Variants in CCKBR observed in about 807,000 individuals in gnomAD.
CCKBR encodes the protein cholecystokinin B receptor, also known as gastrin/cholecystokinin type B receptor.
CCKBR carries 33 observed loss-of-function variants against 34.6 expected under a neutral mutation model. The ratio of observed to expected loss-of-function variants is 0.95; its 90% CI spans 0.72 to 1.27. The LOEUF (loss-of-function observed/expected upper bound fraction) is 1.27, where lower values mean the gene tolerates loss of function less well. CCKBR is among the 50% of genes most tolerant of loss of function. The pLI is 0.00. For synonymous variants in CCKBR, 269 were observed against 267.5 expected (o/e 1.01, Z -0.06); for missense variants, 652 against 617.4 (o/e 1.06, Z -0.59).
intron 1 of CCKBR, among the ~76,000 whole-genome samples, chr11:6,261,496 C>T (rs1339838921): frequency 1.4e-5 from 2 of 142,030 alleles, no homozygotes; most frequent in African/African-American, 5.2e-5. Context: ...CACACACACA[C>T]ACATATACAT....
At chr11:6,264,601 C>T (rs1848183322) in intron 1 of CCKBR, 4 of 697,220 alleles carry the variant, frequency 5.7e-6, no homozygotes, top group Non-Finnish European at 1.0e-5. Context: ...CACGGGTAGA[C>T]TTATCAAGGC....
chr11:6,261,621 A>G (rs927042414), intron 1 of CCKBR, among the ~76,000 whole-genome samples: 7 of 151,996 alleles, frequency 4.6e-5, no homozygotes, highest in Non-Finnish European at 8.8e-5. Context: ...CCACTGTGAC[A>G]TAGTTTTGAG....
At chr11:6,264,332 G>A (rs1590667086) in intron 1 of CCKBR, 1 of 567,362 alleles carries the variant, frequency 1.8e-6, no homozygotes, top group East Asian at 3.0e-5. Flanking sequence ...TGGGTGAACA[G>A]ATCAAACCTG....
rs764173521 is a variant in CCKBR, at chr11:6,261,462, T to TATACACACAC, written c.151+1384_151+1385insTACACACACA. Among the ~76,000 whole-genome samples, 16 of 63,988 alleles carry TATACACACAC rather than the reference T, an allele frequency of 2.5e-4. 2 individuals carry two copies. The highest frequency in any genetic ancestry group is 5.1e-4 in the Admixed American group (2 of 3,948). 42.0% of individuals were successfully genotyped at this position (63,988 alleles called of 152,430 possible). On this transcript the variant is annotated intron_variant, in intron 1 of 4. Coordinates refer to ENST00000334619, the MANE Select transcript of CCKBR (RefSeq NM_176875.4). ...AAAAAAAAAAAAAAAAAAATATATA[T>TATACACACAC]ACACACACACACACACACACACACA...
Position 6,271,380 on chromosome 11 carries a change from A to G in CCKBR, c.1181A>G (p.His394Arg). The change falls in exon 5 of 5, where the codon CAC (histidine) becomes CGC (arginine). Residue 394 changes from histidine to arginine, a missense_variant. Transcript: ENST00000334619. ...AACCCCCTGGTCTACTGCTTCATGC[A>G]CCGTCGCTTTCGCCAGGCCTGCCTG... ...CVNPLVYCFMHRRFRQACLET... is the reference protein window; with the variant it reads ...CVNPLVYCFMRRRFRQACLET... 1 of 1,613,940 alleles carries G rather than the reference A, an allele frequency of 6.2e-7. No individual in the cohort carries two copies. Among genetic ancestry groups the G allele is most frequent in the Non-Finnish European group, 8.5e-7 (1 of 1,179,988 alleles).
At chr11:6,266,308 T>C (rs1279199654) in intron 1 of CCKBR, among the ~76,000 whole-genome samples, 2 of 152,008 alleles carry the variant, frequency 1.3e-5, no homozygotes, top group African/African-American at 4.8e-5. Flanking sequence ...CTTACCAATA[T>C]GGAGAAACCC....
Position 6,270,101 on chromosome 11 carries a change from T to C in CCKBR, c.417T>C (p.Ser139=). Residue 139 remains serine, a synonymous_variant, in exon 3 of 5, where the codon AGT becomes AGC. Transcript: ENST00000334619. ...TCCCTTGTTTAGGGGTGTCTGTGAG[T>C]GTGTCCACGCTAAGCCTCGTGGCCA... ...AVSYLMGVSV[S]VSTLSLVAIA... The C allele has an allele frequency of 1.2e-6, 2 of 1,606,390 alleles. No homozygotes were observed. Among genetic ancestry groups the C allele is most frequent in the Non-Finnish European group, 1.7e-6 (2 of 1,174,344 alleles).
intron 3 of CCKBR, 80 bp from the exon 4 acceptor site, chr11:6,270,566 A>C: frequency 6.7e-7 from 1 of 1,490,906 alleles, no homozygotes; most frequent in Non-Finnish European, 9.1e-7. Context: ...ACAGCCCTAG[A>C]AACACTAGTC....
At chr11:6,263,244 G>A (rs1237229509) in intron 1 of CCKBR, among the ~76,000 whole-genome samples, 7 of 152,186 alleles carry the variant, frequency 4.6e-5, no homozygotes, top group South Asian at 4.2e-4. Flanking sequence ...AATATTGTCC[G>A]AAGTCATTTT....
Position 6,270,648 on chromosome 11 carries a change from C to G in CCKBR, c.656C>G (p.Ser219Cys). ...TGATCTGTCTGTGTTGCCTTCAGGT[C>G]CGTACTGCTGCTTCTGCTCTTGTTC... is the stretch of plus-strand genomic sequence containing the variant. ...WPSARVRQTW[S>C]VLLLLLLFFI... Residue 219 changes from serine to cysteine, a missense_variant and splice_region_variant, in exon 4 of 5, where the codon TCC becomes TGC. By Grantham distance (112) the Ser-to-Cys change is moderately radical. Transcript: ENST00000334619. 6.2e-7 allele frequency: 1 copy of G among 1,605,146 alleles called. No individual in the cohort carries two copies. Among genetic ancestry groups the G allele is most frequent in the Non-Finnish European group, 8.5e-7 (1 of 1,173,536 alleles).
chr11:6,271,251 G>C lies in CCKBR; in HGVS notation c.1052G>C (p.Ser351Thr). The change falls in exon 5 of 5, where the codon AGT (serine) becomes ACT (threonine). Residue 351 changes from serine to threonine, a missense_variant. Transcript: ENST00000334619. ...LFFLCWLPVY[S>T]ANTWRAFDGP... ...TTTCTGTGTTGGTTGCCAGTTTATA[G>C]TGCCAACACGTGGCGCGCCTTTGAT... 1.9e-6 allele frequency: 3 copies of C among 1,614,202 alleles called. No homozygotes were observed.
intron 1 of CCKBR, among the ~76,000 whole-genome samples, chr11:6,268,165 C>A (rs1030378910): frequency 1.3e-5 from 2 of 152,134 alleles, no homozygotes; most frequent in African/African-American, 2.4e-5. Flanking sequence ...TCTTATGAGA[C>A]CACCATCGTA....
At chr11:6,268,058 G>C (rs1206813483) in intron 1 of CCKBR, among the ~76,000 whole-genome samples, 2 of 152,196 alleles carry the variant, frequency 1.3e-5, no homozygotes, top group African/African-American at 4.8e-5. Flanking sequence ...TGCTCAGGCT[G>C]ATCTCAAGCT....
Position 6,270,328 on chromosome 11 carries a change from G to A in CCKBR, c.644G>A (p.Arg215His), listed in dbSNP as rs1805004. ...CVHRWPSARV[R>H]QTWSVLLLLL... Reference sequence around the variant, plus strand: ...CATCGCTGGCCCAGTGCGCGGGTCCGCCAGACCTGGTGAGCTTGCCCATAA... The same window carrying A: ...CATCGCTGGCCCAGTGCGCGGGTCCACCAGACCTGGTGAGCTTGCCCATAA... Residue 215 changes from arginine (R) to histidine (H), a missense_variant, in exon 3 of 5, where the codon CGC becomes CAC. Physicochemically the swap from Arg to His is conservative, Grantham distance 29 (BLOSUM62 0). Transcript: ENST00000334619. 354 of 1,611,182 alleles carry A rather than the reference G, an allele frequency of 2.2e-4. 2 individuals carry two copies. The East Asian group carries it at 7.7e-3, about 35-fold the overall frequency.
chr11:6,270,985 T>G, intron 4 of CCKBR, 26 bp from the exon 5 acceptor site: 1 of 1,613,396 alleles, frequency 6.2e-7, no homozygotes, highest in East Asian at 2.2e-5. Context: ...CGCCTTTTTC[T>G]CTGACCGCCC....
Position 6,260,177 on chromosome 11 carries a change from C to T in CCKBR, c.151+98C>T. On this transcript the variant is annotated intron_variant, in intron 1 of 4. Transcript: ENST00000334619. The stretch of plus-strand genomic sequence containing the variant: ...ACGAGCTCCACACTACCTTCTCAAA[C>T]GTCCACACCGTGCCTCTCATAGTAC... 4 of 818,784 alleles carry T rather than the reference C, an allele frequency of 4.9e-6. No individual in the cohort carries two copies. In the East Asian group the frequency reaches 9.8e-5, roughly 20 times the overall value. The allele number at this position is 818,784 out of a possible 1,614,324, so 50.7% of individuals were successfully genotyped here.
At position 6,271,537 on chromosome 11, in the gene CCKBR, T is replaced by G; in HGVS notation, c.1338T>G (p.Pro446=). ...ACACCACCATCAGCACACTGGGCCCTGGCTGAGGAGTAGAGGGGCCGTGGG... is the reference window on the plus strand; with the variant it reads ...ACACCACCATCAGCACACTGGGCCCGGGCTGAGGAGTAGAGGGGCCGTGGG... ...LSYTTISTLG[P]G Residue 446 remains proline (P), a synonymous_variant, in exon 5 of 5, where the codon CCT becomes CCG. Transcript: ENST00000334619. 1.3e-6 allele frequency: 2 copies of G among 1,590,984 alleles called. No homozygotes were observed. Among genetic ancestry groups the G allele is most frequent in the Non-Finnish European group, 1.7e-6 (2 of 1,168,212 alleles).
At chr11:6,270,491 T>G (rs2133905070) in intron 3 of CCKBR, among the ~76,000 whole-genome samples, 154 bp downstream of exon 3, 1 of 152,286 alleles carries the variant, frequency 6.6e-6, no homozygotes, top group Non-Finnish European at 1.5e-5. Context: ...TTGGGGCCCC[T>G]CCCCAGTTCT....
At chr11:6,261,644 A>G (rs1237751142) in intron 1 of CCKBR, among the ~76,000 whole-genome samples, 3 of 152,030 alleles carry the variant, frequency 2.0e-5, no homozygotes, top group Non-Finnish European at 2.9e-5. Context: ...ACTAGAACAT[A>G]TATCTTAAGA....
Sources: allele counts gnomAD v4.1 joint callset (sites outside exome capture counted in the v4.1 genomes callset), GRCh38; gene constraint gnomAD v4.1.1; transcripts MANE v1.5; gene names NCBI Gene and HGNC (gene_info 2026-07-23, HGNC 2026-07-21).